The following SDHA variants were observed in gnomAD, a reference collection of about 807,000 sequenced individuals.
SDHA encodes the protein succinate dehydrogenase [ubiquinone] flavoprotein subunit, mitochondrial.
A neutral mutation model predicts 78.4 loss-of-function variants in SDHA; 48 were observed. That is an observed-to-expected ratio of 0.61 (90% CI 0.49 to 0.78). SDHA has a LOEUF of 0.78. Ranked by LOEUF, SDHA falls within the 30% of genes least tolerant of loss-of-function variation. The probability of loss-of-function intolerance (pLI) is 0.00; values close to 1 mark genes in which losing one functional copy is unlikely to be tolerated. For synonymous variants in SDHA, 326 were observed against 353.9 expected (o/e 0.92, Z 0.88); for missense variants, 680 against 892.7 (o/e 0.76, Z 3.04).
intron 3 of SDHA, 105 bp downstream of exon 3, chr5:224,626 A>T: frequency 1.6e-6 from 2 of 1,225,062 alleles, no homozygotes; most frequent in Non-Finnish European, 2.4e-6. Context: ...CTCCAGCCAC[A>T]TGGCCTCTTG....
chr5:249,917 A>G (rs1315728683), intron 11 of SDHA: 1 of 152,264 alleles, frequency 6.6e-6, no homozygotes, highest in East Asian at 1.9e-4. Flanking sequence ...AGGTGTCTGG[A>G]TAAGAGATTT....
At chr5:256,252 G>C (rs1737171587) in intron 14 of SDHA, 82 bp from the exon 15 acceptor site, 14 of 1,009,848 alleles carry the variant, frequency 1.4e-5, no homozygotes, top group Admixed American at 3.4e-5. Context: ...TACTTTTATA[G>C]TTAAAATTTT....
At chr5:242,840 C>T (rs1736230911) in intron 11 of SDHA, among the ~76,000 whole-genome samples, 3 of 152,120 alleles carry the variant, frequency 2.0e-5, no homozygotes, top group Admixed American at 2.0e-4. Context: ...ACCTTGGAAC[C>T]TTTTCATGCT....
At position 240,459 on chromosome 5, in the gene SDHA, C is replaced by T. The variant is rs748089700; in HGVS notation, c.1534C>T (p.Arg512Ter). The change falls in exon 11 of 15, where the codon CGA (arginine) becomes TGA (stop). Residue 512 changes from arginine (R) to a stop codon, truncating the protein, a stop_gained. Coordinates refer to ENST00000264932, the MANE Select transcript of SDHA (RefSeq NM_004168.4). LOFTEE classifies it high-confidence loss of function. The part of the protein sequence containing the change: ...ADGSIRTSEL[R>*]LSMQKSMQNH... ...TGGAAGCATAAGAACATCGGAACTG[C>T]GACTCAGCATGCAGAAGGTAAGAGC... 6.7e-5 allele frequency: 108 copies of T among 1,605,710 alleles called. No individual in the cohort carries two copies. The highest frequency in any genetic ancestry group is 8.3e-5 in the Non-Finnish European group (97 of 1,174,398).
intron 1 of SDHA, among the ~76,000 whole-genome samples, chr5:222,244 C>T (rs1734758373): frequency 6.6e-6 from 1 of 152,054 alleles, no homozygotes; most frequent in South Asian, 2.1e-4. Flanking sequence ...TTTTTTATCC[C>T]ACATAATAAG....
chr5:252,628 G>A (rs374454855), intron 13 of SDHA, among the ~76,000 whole-genome samples: 2 of 119,406 alleles, frequency 1.7e-5, no homozygotes, highest in African/African-American at 8.3e-5. Flanking sequence ...TTATTAACGA[G>A]TAAGCCACCG....
chr5:230,626 A>AGAAT (rs1735336018), intron 6 of SDHA, among the ~76,000 whole-genome samples: 1 of 137,554 alleles, frequency 7.3e-6, no homozygotes, highest in African/African-American at 3.4e-5. Flanking sequence ...ATCCTATCTC[A>AGAAT]AAATAAATAA....
Position 233,799 on chromosome 5 carries a change from A to G in SDHA, c.1064+154A>G, listed in dbSNP as rs537520330. The G allele has an allele frequency of 2.3e-5, 17 of 726,878 alleles. No homozygotes were observed. In the East Asian group the frequency reaches 4.2e-4, roughly 18 times the overall value. The allele number at this position is 726,878 out of a possible 1,614,324, so 45.0% of individuals were successfully genotyped here. A position where few individuals can be genotyped will look rare whatever the true frequency, so the allele number is the denominator to read the frequency against. ...TGGCAGGCGTCTGTTAGTCTGCGAT[A>G]TTTTCCTAAAGACCTACATTTTGAA... On this transcript the variant is annotated intron_variant, in intron 8 of 14. Coordinates refer to ENST00000264932, the MANE Select transcript of SDHA (RefSeq NM_004168.4).
intron 13 of SDHA, 94 bp downstream of exon 13, chr5:251,562 G>T: frequency 6.3e-7 from 1 of 1,595,502 alleles, no homozygotes; most frequent in African/African-American, 1.4e-5. Flanking sequence ...ATTTTCTTTC[G>T]TTGCCCCAAA....
intron 11 of SDHA, among the ~76,000 whole-genome samples, chr5:246,204 C>A (rs1449934188): frequency 6.6e-6 from 1 of 151,774 alleles, no homozygotes; most frequent in Non-Finnish European, 1.5e-5. Flanking sequence ...GGCCATAAAG[C>A]CCAAATAAAT....
intron 4 of SDHA, 46 bp from the exon 5 acceptor site, chr5:225,837 A>T (rs1355861354): frequency 3.7e-6 from 6 of 1,607,158 alleles, no homozygotes; most frequent in Non-Finnish European, 5.1e-6. Context: ...GAATATCTTG[A>T]CTCCTTTAAG....
the SDHA span, among the ~76,000 whole-genome samples, chr5:264,434 C>T: frequency 6.6e-6 from 1 of 152,218 alleles, no homozygotes; most frequent in Non-Finnish European, 1.5e-5. Flanking sequence ...AGCCGGATCC[C>T]ACGTGGGCAG....
At chr5:220,815 A>ATT (rs753343756) in intron 1 of SDHA, among the ~76,000 whole-genome samples, 5 of 139,094 alleles carry the variant, frequency 3.6e-5, no homozygotes, top group Non-Finnish European at 4.6e-5. Context: ...TGTGAACTGA[A>ATT]TTTTTTTTTT....
chr5:268,371 A>G, the SDHA span, among the ~76,000 whole-genome samples: 1 of 151,920 alleles, frequency 6.6e-6, no homozygotes, highest in Non-Finnish European at 1.5e-5. Flanking sequence ...TTTAGTAGAG[A>G]CGAGGTTTCA....
chr5:242,510 G>A (rs1579422098), intron 11 of SDHA, among the ~76,000 whole-genome samples: 1 of 152,124 alleles, frequency 6.6e-6, no homozygotes, highest in East Asian at 1.9e-4. Flanking sequence ...TAAATATGTG[G>A]GTAAATCTCT....
intron 9 of SDHA, chr5:235,631 A>G: frequency 2.3e-6 from 1 of 441,906 alleles, no homozygotes; most frequent in South Asian, 2.1e-5. Context: ...ACATCAAGGG[A>G]TCTTTATAAT....
At position 233,646 on chromosome 5, in the gene SDHA, G is replaced by T. The variant is rs1579402807; in HGVS notation, c.1064+1G>T. 1.9e-6 allele frequency: 3 copies of T among 1,613,980 alleles called. No homozygotes were observed. The highest frequency in any genetic ancestry group is 2.5e-6 in the Non-Finnish European group (3 of 1,179,872). On this transcript the variant is annotated splice_donor_variant, in intron 8 of 14. Coordinates refer to ENST00000264932, the MANE Select transcript of SDHA (RefSeq NM_004168.4). LOFTEE classifies it high-confidence loss of function. ...TGACTCTGGAGATCCGAGAAGGAAG[G>T]TGCGTGTGATTTACCACCAGCACTG...
In SDHA at chr5:241,616, A is replaced by G. The variant is rs1169021337; in HGVS notation, c.1551+1140A>G. On this transcript the variant is annotated intron_variant, in intron 11 of 14. Coordinates refer to ENST00000264932, the MANE Select transcript of SDHA (RefSeq NM_004168.4). The stretch of plus-strand genomic sequence containing the variant: ...TCAGTCTAAGAAACTGAATTCCTCT[A>G]ATAACAAGGATTCTTGTCCATGAAT... 3.3e-5 allele frequency among the ~76,000 whole-genome samples: 5 copies of G among 152,342 alleles called. No homozygotes were observed. In the East Asian group the frequency reaches 9.6e-4, roughly 29 times the overall value.
chr5:263,690 TA>T, the SDHA span, among the ~76,000 whole-genome samples: 1 of 152,334 alleles, frequency 6.6e-6, no homozygotes, highest in African/African-American at 2.4e-5. Flanking sequence ...GTGTGATTGG[TA>T]AATGTGCAGG....
Sources: allele counts gnomAD v4.1 joint callset (sites outside exome capture counted in the v4.1 genomes callset), GRCh38; gene constraint gnomAD v4.1.1; transcripts MANE v1.5; gene names NCBI Gene and HGNC (gene_info 2026-07-23, HGNC 2026-07-21).